Variants in TBC1D22A observed in about 807,000 individuals in gnomAD.
TBC1D22A encodes the protein TBC1 domain family member 22A.
In TBC1D22A, 38 loss-of-function variants were observed where a neutral mutation model predicts 60.2. That is an observed-to-expected ratio of 0.63 (90% CI 0.49 to 0.83). TBC1D22A has a LOEUF of 0.83. Ranked by LOEUF, TBC1D22A falls within the 40% of genes least tolerant of loss-of-function variation. The probability of loss-of-function intolerance (pLI) is 0.00; values close to 1 mark genes in which losing one functional copy is unlikely to be tolerated. For synonymous variants in TBC1D22A, 302 were observed against 281.7 expected (o/e 1.07, Z -0.72); for missense variants, 628 against 701.0 (o/e 0.90, Z 1.18).
At chr22:46,962,084 G>T (rs1484275961) in intron 8 of TBC1D22A, among the ~76,000 whole-genome samples, 1 of 152,184 alleles carries the variant, frequency 6.6e-6, no homozygotes, top group Non-Finnish European at 1.5e-5. Context: ...TCTGGTCCTG[G>T]GGGGAGTGTG....
At chr22:47,006,219 G>A (rs1602957528) in intron 10 of TBC1D22A, among the ~76,000 whole-genome samples, 2 of 152,302 alleles carry the variant, frequency 1.3e-5, no homozygotes, top group South Asian at 2.1e-4. Context: ...TCCAGGAGAG[G>A]TTATTGTTGG....
intron 8 of TBC1D22A, among the ~76,000 whole-genome samples, chr22:46,935,706 C>T (rs574713844): frequency 6.6e-6 from 1 of 152,352 alleles, no homozygotes; most frequent in East Asian, 1.9e-4. Flanking sequence ...CCTCCCTGTC[C>T]TTCTATCCCA....
At position 46,793,759 on chromosome 22, in the gene TBC1D22A, C is replaced by A; in HGVS notation, c.378C>A (p.Pro126=). Residue 126 remains proline, a synonymous_variant, in exon 3 of 13, where the codon CCC becomes CCA. Transcript: ENST00000337137. ...EGPGLQQKPR[P]EAEPPSPPSG... ...CAGGGCTTCAGCAGAAGCCCAGGCC[C>A]GAGGCAGAGCCGCCCTCACCCCCCA... 1 of 1,604,480 alleles carries A rather than the reference C, an allele frequency of 6.2e-7. No individual in the cohort carries two copies. Among genetic ancestry groups the A allele is most frequent in the Non-Finnish European group, 8.5e-7 (1 of 1,176,486 alleles).
chr22:47,148,301 G>T (rs756051056), intron 12 of TBC1D22A, among the ~76,000 whole-genome samples: 1 of 148,794 alleles, frequency 6.7e-6, no homozygotes, highest in Admixed American at 6.7e-5. Flanking sequence ...CTCTGCAGCC[G>T]CTGGACGAGG....
intron 11 of TBC1D22A, among the ~76,000 whole-genome samples, chr22:47,050,275 G>A (rs1203870596): frequency 2.0e-5 from 3 of 152,134 alleles, no homozygotes; most frequent in Non-Finnish European, 4.4e-5. Flanking sequence ...AGGGTGCTGG[G>A]ATTACAGACA....
chr22:46,973,173 C>T (rs1045674343), intron 8 of TBC1D22A, among the ~76,000 whole-genome samples: 23 of 152,306 alleles, frequency 1.5e-4, no homozygotes, highest in Non-Finnish European at 2.5e-4. Flanking sequence ...GTACACGACA[C>T]GAATGTGAGG....
intron 1 of TBC1D22A, among the ~76,000 whole-genome samples, chr22:46,776,994 T>C (rs1316225804): frequency 1.3e-5 from 2 of 152,052 alleles, no homozygotes. Flanking sequence ...CCGGTGCAAC[T>C]GTCATGTTCT....
Position 47,028,548 on chromosome 22 carries a change from G to A in TBC1D22A, c.1202-8523G>A, listed in dbSNP as rs2062342570. ...GCCCAGGTTCTGAGAGTGAGTGGTC[G>A]CGTTCCTGTCCCTCGGTCCCTGTCC... On this transcript the variant is annotated intron_variant, in intron 10 of 12. Coordinates refer to ENST00000337137, the MANE Select transcript of TBC1D22A (RefSeq NM_014346.5). This position sits in a 1 kb window ranked among gnomAD's most constrained non-coding sequence, Gnocchi z 4.4. Among the ~76,000 whole-genome samples, 1 of 151,584 alleles carries A rather than the reference G, an allele frequency of 6.6e-6. No homozygotes were observed. The highest frequency in any genetic ancestry group is 2.1e-4 in the South Asian group (1 of 4,748).
At chr22:47,064,579 G>T (rs889175885) in intron 11 of TBC1D22A, among the ~76,000 whole-genome samples, 1 of 152,220 alleles carries the variant, frequency 6.6e-6, no homozygotes, top group African/African-American at 2.4e-5. Flanking sequence ...AGGCCAAGCT[G>T]GGCCTGGCCC....
At chr22:46,779,225 T>C (rs992847711) in intron 1 of TBC1D22A, among the ~76,000 whole-genome samples, 9 of 152,230 alleles carry the variant, frequency 5.9e-5, no homozygotes, top group Non-Finnish European at 1.0e-4. Flanking sequence ...GAGTATGCTT[T>C]GTGATGTGAT....
chr22:46,796,240 A>C lies in TBC1D22A; in HGVS notation c.461-1204A>C, dbSNP rs112112437. Reference sequence around the variant, plus strand: ...TCCCCACTTTAGCAGACTTTTCTGGAAATTTAACTGGGCCACATTCTGCCC... The same window carrying C: ...TCCCCACTTTAGCAGACTTTTCTGGCAATTTAACTGGGCCACATTCTGCCC... On this transcript the variant is annotated intron_variant, in intron 3 of 12. Transcript: ENST00000337137. Among the ~76,000 whole-genome samples, 669 of 152,244 alleles carry C rather than the reference A, an allele frequency of 4.4e-3. 3 individuals carry two copies. Among genetic ancestry groups the C allele is most frequent in the African/African-American group, 0.015 (642 of 41,530 alleles).
At position 47,061,006 on chromosome 22, in the gene TBC1D22A, G is replaced by A. The variant is rs141527031; in HGVS notation, c.1329+23808G>A. ...CTTGGGATCATTCAAGGTAACCACCGGAACCGCTCGCATGCGACCTCCTGG... is the reference window on the plus strand; with the variant it reads ...CTTGGGATCATTCAAGGTAACCACCAGAACCGCTCGCATGCGACCTCCTGG... On this transcript the variant is annotated intron_variant, in intron 11 of 12. Transcript: ENST00000337137. 5.0e-3 allele frequency among the ~76,000 whole-genome samples: 757 copies of A among 152,304 alleles called. 4 individuals carry two copies. The highest frequency in any genetic ancestry group is 0.017 in the Middle Eastern group (5 of 294).
intron 4 of TBC1D22A, among the ~76,000 whole-genome samples, chr22:46,868,234 A>T (rs1054186292): frequency 1.3e-5 from 2 of 152,210 alleles, no homozygotes; most frequent in Non-Finnish European, 2.9e-5. Flanking sequence ...AGGAATGATG[A>T]TGATGCCAGA....
At chr22:46,900,706 G>A (rs934506564) in intron 7 of TBC1D22A, among the ~76,000 whole-genome samples, 4 of 152,172 alleles carry the variant, frequency 2.6e-5, no homozygotes, top group African/African-American at 7.2e-5. Context: ...TGTGCATGCT[G>A]TTGCAAGGAT....
intron 4 of TBC1D22A, among the ~76,000 whole-genome samples, chr22:46,865,794 T>G (rs1335681952): frequency 3.9e-5 from 6 of 152,196 alleles, no homozygotes; most frequent in African/African-American, 1.4e-4. Flanking sequence ...TTACTCTTTG[T>G]TCTGGGGCGT....
intron 5 of TBC1D22A, among the ~76,000 whole-genome samples, chr22:46,887,557 C>T (rs527964841): frequency 6.6e-6 from 1 of 152,332 alleles, no homozygotes; most frequent in African/African-American, 2.4e-5. Context: ...ATTTCATACA[C>T]AGCAGTGTTA....
chr22:46,886,397 A>C (rs1214370882), intron 5 of TBC1D22A, among the ~76,000 whole-genome samples: 1 of 151,974 alleles, frequency 6.6e-6, no homozygotes. Flanking sequence ...TCACCGAGCG[A>C]TTGTTTTCTG....
intron 10 of TBC1D22A, among the ~76,000 whole-genome samples, chr22:47,004,930 A>G (rs1256142639): frequency 6.6e-6 from 1 of 151,828 alleles, no homozygotes; most frequent in African/African-American, 2.4e-5. Context: ...ATACACCTAC[A>G]TACATATCCC....
rs531751084 is a variant in TBC1D22A at position 46,895,494 on chromosome 22, C to T, written c.900+648C>T. Among the ~76,000 whole-genome samples the T allele has an allele frequency of 1.2e-4, 18 of 152,312 alleles. No individual in the cohort carries two copies. The South Asian group carries it at 1.9e-3, about 16-fold the overall frequency. On this transcript the variant is annotated intron_variant, in intron 7 of 12. Transcript: ENST00000337137. ...GTTCGGGTGATTCTTTTGCCTCAGC[C>T]TCCCTGGGCTGGGATTACAGGCACC...
Sources: gnomAD v4.1 joint callset for allele counts (sites outside exome capture counted in the v4.1 genomes callset) on GRCh38, gnomAD v4.1.1 for gene constraint, Gnocchi (gnomAD v3.1) non-coding constraint, MANE v1.5 for transcripts, NCBI Gene and HGNC (gene_info 2026-07-23, HGNC 2026-07-21) for gene names.